Variants in NR5A2 observed in about 807,000 individuals in gnomAD.
NR5A2 encodes the protein nuclear receptor subfamily 5 group A member 2, also known as CYP7A promoter-binding factor.
A neutral mutation model predicts 62.7 loss-of-function variants in NR5A2; 26 were observed. That is an observed-to-expected ratio of 0.41 (90% CI 0.30 to 0.58). NR5A2 has a LOEUF of 0.58. Ranked by LOEUF, NR5A2 falls within the 20% of genes least tolerant of loss-of-function variation. The pLI is 0.22. For synonymous variants in NR5A2, 246 were observed against 241.7 expected, an observed-to-expected ratio of 1.02 and a Z score of -0.16; for missense variants, 541 against 669.1, an observed-to-expected ratio of 0.81 and a Z score of 2.11.
intron 7 of NR5A2, among the ~76,000 whole-genome samples, chr1:200,133,677 A>G (rs1667091290): frequency 6.6e-6 from 1 of 150,932 alleles, no homozygotes; most frequent in South Asian, 2.1e-4. Context: ...TATATGATAG[A>G]AGACTATAAT....
intron 5 of NR5A2, among the ~76,000 whole-genome samples, chr1:200,097,150 C>G (rs190579427): frequency 6.6e-6 from 1 of 152,152 alleles, no homozygotes; most frequent in African/African-American, 2.4e-5. Flanking sequence ...AATATCAAAC[C>G]CATTTTCTCT....
chr1:200,147,460 A>G lies in NR5A2; in HGVS notation c.1379-26503A>G. ...TGGGGCTGCCTCCTCCAGTACACGGAGAGCTCTTTGAGGCAAGGGACAATT... is the reference window on the plus strand; with the variant it reads ...TGGGGCTGCCTCCTCCAGTACACGGGGAGCTCTTTGAGGCAAGGGACAATT... On this transcript the variant is annotated intron_variant, in intron 7 of 7. Coordinates refer to ENST00000367362, the MANE Select transcript of NR5A2 (RefSeq NM_205860.3). This position sits in a 1 kb window ranked among gnomAD's most constrained non-coding sequence, Gnocchi z 4.9. 1 of 577,096 alleles carries G rather than the reference A, an allele frequency of 1.7e-6. No homozygotes were observed. Among genetic ancestry groups the G allele is most frequent in the Non-Finnish European group, 3.3e-6 (1 of 299,684 alleles). The allele number at this position is 577,096 out of a possible 1,614,324, so 35.7% of individuals were successfully genotyped here.
intron 6 of NR5A2, among the ~76,000 whole-genome samples, chr1:200,119,783 C>A (rs1311556445): frequency 1.3e-5 from 2 of 152,148 alleles, no homozygotes; most frequent in South Asian, 4.1e-4. Flanking sequence ...CATGCCACCA[C>A]GCCCAGCCAA....
chr1:200,058,965 C>T (rs79157178), intron 5 of NR5A2, among the ~76,000 whole-genome samples: 12,131 of 151,326 alleles, frequency 0.08, 494 homozygotes, highest in African/African-American at 0.11. Flanking sequence ...TGAAAATTAG[C>T]CCGGCGTGGT....
chr1:200,074,426 A>AT (rs1192121095), intron 5 of NR5A2, among the ~76,000 whole-genome samples: 1 of 151,576 alleles, frequency 6.6e-6, no homozygotes, highest in Non-Finnish European at 1.5e-5. Flanking sequence ...AGAAAAAAAA[A>AT]CAAGAAAGAG....
In NR5A2 at chr1:200,048,617, T is replaced by A; in HGVS notation, c.909T>A (p.His303Gln). 6.2e-7 allele frequency: 1 copy of A among 1,614,150 alleles called. No homozygotes were observed. ...CGAGCTCTCCAGCAAGCATCCCACATCTGATACTGGAACTTTTGAAGTGTG... is the reference window on the plus strand; with the variant it reads ...CGAGCTCTCCAGCAAGCATCCCACAACTGATACTGGAACTTTTGAAGTGTG... ...YQTSSPASIP[H>Q]LILELLKCEP... Residue 303 changes from histidine to glutamine, a missense_variant, in exon 5 of 8, where the codon CAT (histidine) becomes CAA (glutamine). This residue lies in a region of NR5A2 where 379 missense variants were observed against 442.0 expected (regional missense o/e 0.86). Transcript: ENST00000367362. This position sits in a 1 kb window ranked among gnomAD's most constrained non-coding sequence, Gnocchi z 4.8.
At chr1:200,038,802 G>A in intron 1 of NR5A2, 1 of 1,283,940 alleles carries the variant, frequency 7.8e-7, no homozygotes, top group Non-Finnish European at 1.0e-6. Flanking sequence ...ACATCCCCCC[G>A]CCCCGGGCCA....
At chr1:200,116,834 C>G (rs1018579971) in intron 6 of NR5A2, among the ~76,000 whole-genome samples, 2 of 152,128 alleles carry the variant, frequency 1.3e-5, no homozygotes, top group African/African-American at 2.4e-5. Context: ...ACACATATAT[C>G]TATGTATGTA....
intron 5 of NR5A2, among the ~76,000 whole-genome samples, chr1:200,086,115 G>A (rs941782648): frequency 3.9e-5 from 6 of 152,138 alleles, no homozygotes; most frequent in African/African-American, 1.2e-4. Flanking sequence ...AAAAGATGCT[G>A]AAACACTGGT....
chr1:200,042,552 C>G (rs1296372101), intron 2 of NR5A2, among the ~76,000 whole-genome samples: 1 of 152,224 alleles, frequency 6.6e-6, no homozygotes, highest in Non-Finnish European at 1.5e-5. Context: ...CCACCCCCTG[C>G]AAACGCCACT....
chr1:200,074,973 ATTAC>A (rs1428992512), intron 5 of NR5A2, among the ~76,000 whole-genome samples: 1 of 152,144 alleles, frequency 6.6e-6, no homozygotes. Flanking sequence ...AAAAACATGT[ATTAC>A]TTATTTATAA....
intron 7 of NR5A2, among the ~76,000 whole-genome samples, chr1:200,159,899 C>T (rs753807588): frequency 5.3e-5 from 8 of 152,112 alleles, no homozygotes; most frequent in Admixed American, 1.3e-4. Flanking sequence ...GTAATCCTCC[C>T]GCCTCAGCCT....
At chr1:200,056,055 G>A (rs886547604) in intron 5 of NR5A2, among the ~76,000 whole-genome samples, 1 of 152,174 alleles carries the variant, frequency 6.6e-6, no homozygotes, top group East Asian at 1.9e-4. Flanking sequence ...TTTCCAAGCA[G>A]ACCTGAAACA....
At chr1:200,083,323 T>C (rs751930648) in intron 5 of NR5A2, among the ~76,000 whole-genome samples, 8 of 152,246 alleles carry the variant, frequency 5.3e-5, no homozygotes, top group Non-Finnish European at 7.3e-5. Context: ...TAACTCCAAC[T>C]GGCTTTTCTT....
At chr1:200,122,986 G>A (rs1171438608) in intron 7 of NR5A2, among the ~76,000 whole-genome samples, 1 of 152,014 alleles carries the variant, frequency 6.6e-6, no homozygotes, top group African/African-American at 2.4e-5. Flanking sequence ...TTAACTTTAG[G>A]TGCCTCAGCT....
intron 7 of NR5A2, among the ~76,000 whole-genome samples, chr1:200,138,521 A>C (rs1294625857): frequency 6.6e-6 from 1 of 152,068 alleles, no homozygotes; most frequent in Non-Finnish European, 1.5e-5. Context: ...ATTCTCCTTT[A>C]ATTTTTTTCC....
intron 5 of NR5A2, among the ~76,000 whole-genome samples, chr1:200,110,443 G>A (rs1322981290): frequency 1.3e-5 from 2 of 152,176 alleles, no homozygotes; most frequent in East Asian, 3.8e-4. Context: ...AAGGTGGAAC[G>A]TGCATAAGAT....
At chr1:200,091,476 C>G (rs921976017) in intron 5 of NR5A2, among the ~76,000 whole-genome samples, 3 of 145,676 alleles carry the variant, frequency 2.1e-5, no homozygotes, top group Non-Finnish European at 4.5e-5. Context: ...TTACCCTTTG[C>G]TCTCTTTCTT....
intron 5 of NR5A2, among the ~76,000 whole-genome samples, chr1:200,060,919 TG>T (rs1377001803): frequency 1.6e-5 from 2 of 123,276 alleles, no homozygotes; most frequent in Non-Finnish European, 3.3e-5. Context: ...CTGGCCAAGA[TG>T]GTGAAACCCC....
Sources: allele counts gnomAD v4.1 joint callset (sites outside exome capture counted in the v4.1 genomes callset), GRCh38; gene constraint gnomAD v4.1.1; regional missense constraint gnomAD v4.1.1; non-coding constraint Gnocchi (gnomAD v3.1); transcripts MANE v1.5; gene names NCBI Gene and HGNC (gene_info 2026-07-23, HGNC 2026-07-21).